The following ARHGAP42 variants were observed in gnomAD, a reference collection of about 807,000 sequenced individuals.
The protein encoded by ARHGAP42 is Rho GTPase activating protein 42.
A neutral mutation model predicts 125.0 loss-of-function variants in ARHGAP42; 63 were observed. That is an observed-to-expected ratio of 0.50 (90% CI 0.41 to 0.62). ARHGAP42 has a LOEUF of 0.62. Among genes scored for constraint, ARHGAP42 ranks in the 20% least tolerant of loss-of-function variants. The pLI, the probability that ARHGAP42 is intolerant of heterozygous loss-of-function variation, is 0.00. For synonymous variants in ARHGAP42, 339 were observed against 351.0 expected (o/e 0.97, Z 0.38); for missense variants, 766 against 1,024.2 (o/e 0.75, Z 3.44).
At chr11:100,764,433 G>A (rs1186874289) in intron 1 of ARHGAP42, among the ~76,000 whole-genome samples, 5 of 152,170 alleles carry the variant, frequency 3.3e-5, no homozygotes, top group Non-Finnish European at 7.3e-5. Flanking sequence ...CCAGCTCTTA[G>A]ACTCCAGGCA....
intron 12 of ARHGAP42, among the ~76,000 whole-genome samples, chr11:100,957,683 G>A (rs1857841767): frequency 6.6e-6 from 1 of 152,052 alleles, no homozygotes; most frequent in South Asian, 2.1e-4. Context: ...CACATGACGG[G>A]AGCTAAGTAC....
chr11:100,813,982 C>T (rs1468328860), intron 3 of ARHGAP42, among the ~76,000 whole-genome samples: 2 of 151,912 alleles, frequency 1.3e-5, no homozygotes, highest in African/African-American at 4.8e-5. Flanking sequence ...AGCATGAGAT[C>T]GAGATCAAGA....
intron 1 of ARHGAP42, among the ~76,000 whole-genome samples, chr11:100,756,021 A>G (rs1591154997): frequency 1.3e-5 from 2 of 152,272 alleles, no homozygotes; most frequent in South Asian, 4.1e-4. Context: ...AAGGTACACT[A>G]TGACTCACTG....
intron 4 of ARHGAP42, among the ~76,000 whole-genome samples, chr11:100,865,205 C>T (rs187154945): frequency 6.6e-6 from 1 of 152,106 alleles, no homozygotes; most frequent in Non-Finnish European, 1.5e-5. Context: ...TGTCTCTGAA[C>T]ATTCGTTTAT....
At chr11:100,810,282 C>A (rs1040776619) in intron 3 of ARHGAP42, among the ~76,000 whole-genome samples, 1 of 151,886 alleles carries the variant, frequency 6.6e-6, no homozygotes, top group East Asian at 1.9e-4. Flanking sequence ...TGGTTTTAAC[C>A]AACATTCTTT....
chr11:100,845,190 G>A (rs1472110056), intron 3 of ARHGAP42, among the ~76,000 whole-genome samples: 1 of 151,988 alleles, frequency 6.6e-6, no homozygotes, highest in Non-Finnish European at 1.5e-5. Context: ...GAAGTGAATG[G>A]CATTGGCAGC....
At chr11:100,945,906 C>T (rs1868002238) in intron 10 of ARHGAP42, among the ~76,000 whole-genome samples, 4 of 152,136 alleles carry the variant, frequency 2.6e-5, no homozygotes, top group African/African-American at 4.8e-5. Context: ...CTATTTGAAG[C>T]TTTGAGGCCA....
intron 1 of ARHGAP42, among the ~76,000 whole-genome samples, chr11:100,688,107 T>C (rs1005587654): frequency 6.6e-6 from 1 of 151,866 alleles, no homozygotes; most frequent in Non-Finnish European, 1.5e-5. Context: ...GTAATGCTCC[T>C]AGGAAGATGT....
chr11:100,734,992 T>TACAACAACAAAACAACA (rs1296431892), intron 1 of ARHGAP42, among the ~76,000 whole-genome samples: 47 of 151,436 alleles, frequency 3.1e-4, no homozygotes, highest in Non-Finnish European at 5.9e-4. Context: ...TGAAAACAAC[T>TACAACAACAAAACAACA]ACAACAACAA....
intron 8 of ARHGAP42, among the ~76,000 whole-genome samples, chr11:100,938,674 C>G (rs1229494979): frequency 6.6e-6 from 1 of 152,084 alleles, no homozygotes; most frequent in African/African-American, 2.4e-5. Context: ...CCTGTCTGTT[C>G]CCACCTATCA....
chr11:100,818,792 T>A (rs1280568983), intron 3 of ARHGAP42, among the ~76,000 whole-genome samples: 1 of 152,150 alleles, frequency 6.6e-6, no homozygotes, highest in South Asian at 2.1e-4. Context: ...TTGTTTTGTC[T>A]ATGGGAAGCT....
At chr11:100,853,312 G>A (rs1400380706) in intron 3 of ARHGAP42, among the ~76,000 whole-genome samples, 1 of 152,070 alleles carries the variant, frequency 6.6e-6, no homozygotes, top group Non-Finnish European at 1.5e-5. Flanking sequence ...GGTTATAAAT[G>A]AAAAAGCAGT....
intron 10 of ARHGAP42, 31 bp from the exon 11 acceptor site, chr11:100,948,426 G>A: frequency 1.4e-6 from 2 of 1,444,410 alleles, no homozygotes; most frequent in Non-Finnish European, 1.9e-6. Context: ...TAGTAAATGT[G>A]TAAATATAGA....
intron 1 of ARHGAP42, among the ~76,000 whole-genome samples, chr11:100,731,388 A>G (rs1411904020): frequency 6.6e-6 from 1 of 152,060 alleles, no homozygotes; most frequent in East Asian, 1.9e-4. Context: ...CGATCTCTTG[A>G]TCCATCCGCC....
At chr11:100,798,244 T>A (rs1165665727) in intron 3 of ARHGAP42, among the ~76,000 whole-genome samples, 1 of 152,194 alleles carries the variant, frequency 6.6e-6, no homozygotes, top group Non-Finnish European at 1.5e-5. Context: ...AGTAGCAGGG[T>A]TGACAAGATA....
At chr11:100,985,885 G>A (rs566524901) in intron 22 of ARHGAP42, among the ~76,000 whole-genome samples, 15 of 152,286 alleles carry the variant, frequency 9.8e-5, no homozygotes, top group Non-Finnish European at 1.8e-4. Flanking sequence ...GCTCCAACAG[G>A]GAAATGAAAT....
At chr11:100,727,736 C>G (rs986017554) in intron 1 of ARHGAP42, among the ~76,000 whole-genome samples, 3 of 152,276 alleles carry the variant, frequency 2.0e-5, no homozygotes, top group Non-Finnish European at 4.4e-5. Flanking sequence ...ATGTACCTCT[C>G]CATCTGGTTA....
At chr11:100,834,632 G>A (rs1864739065) in intron 3 of ARHGAP42, among the ~76,000 whole-genome samples, 1 of 152,094 alleles carries the variant, frequency 6.6e-6, no homozygotes, top group Non-Finnish European at 1.5e-5. Context: ...TGAGCTCATA[G>A]CATGAATAGA....
rs946413198 is a variant in ARHGAP42 at position 100,937,616 on chromosome 11, G to A, written c.832+1284G>A. On this transcript the variant is annotated intron_variant, in intron 8 of 23. Coordinates refer to ENST00000298815, the MANE Select transcript of ARHGAP42 (RefSeq NM_152432.4). ...CAGTGAGGGCAGTAAACGTGAAAGT[G>A]GTAGAGGAGGTACCATCCTTGGATT... 6.6e-5 allele frequency among the ~76,000 whole-genome samples: 10 copies of A among 152,226 alleles called. No homozygotes were observed. The South Asian group carries it at 8.3e-4, about 13-fold the overall frequency.
Sources: gnomAD v4.1 joint callset for allele counts (sites outside exome capture counted in the v4.1 genomes callset) on GRCh38, gnomAD v4.1.1 for gene constraint, MANE v1.5 for transcripts, NCBI Gene and HGNC (gene_info 2026-07-23, HGNC 2026-07-21) for gene names.